GLDC: variants seen among roughly 807,000 people sequenced by gnomAD.
GLDC encodes glycine dehydrogenase (decarboxylating), mitochondrial.
GLDC carries 104 observed loss-of-function variants against 121.3 expected under a neutral mutation model. The observed-to-expected ratio is 0.86, with a 90% CI of 0.73 to 1.01. The LOEUF is 1.01. GLDC is among the 50% of genes least tolerant of loss of function. GLDC has a pLI of 0.00. For missense variants in GLDC, 1,429 were observed against 1,306.6 expected (o/e 1.09, Z -1.44); for synonymous variants, 546 against 480.6 (o/e 1.14, Z -1.78).
chr9:6,563,686 T>C (rs984304406), intron 16 of GLDC, among the ~76,000 whole-genome samples: 2 of 152,210 alleles, frequency 1.3e-5, no homozygotes, highest in Non-Finnish European at 2.9e-5. Flanking sequence ...AAGCTGAGAA[T>C]TCAGAACCAC....
At chr9:6,570,200 T>G (rs1203882434) in intron 15 of GLDC, among the ~76,000 whole-genome samples, 2 of 152,210 alleles carry the variant, frequency 1.3e-5, no homozygotes, top group African/African-American at 4.8e-5. Flanking sequence ...TGAATCACAT[T>G]GTAATTATAT....
chr9:6,614,944 A>C (rs958912553), intron 3 of GLDC, among the ~76,000 whole-genome samples: 4 of 152,332 alleles, frequency 2.6e-5, no homozygotes, highest in Middle Eastern at 3.4e-3. Context: ...GTGTTTCTAA[A>C]TACAGAAAAG....
At chr9:6,621,692 ATT>A (rs1238267844) in intron 2 of GLDC, among the ~76,000 whole-genome samples, 4 of 152,006 alleles carry the variant, frequency 2.6e-5, no homozygotes, top group Non-Finnish European at 5.9e-5. Context: ...TAATTTTTGT[ATT>A]TTTAGTAGAG....
intron 21 of GLDC, among the ~76,000 whole-genome samples, chr9:6,546,003 C>T (rs572285402): frequency 6.6e-5 from 10 of 152,336 alleles, no homozygotes; most frequent in Non-Finnish European, 1.0e-4. Flanking sequence ...TTTGTAATAA[C>T]ACTTTAAACA....
intron 2 of GLDC, among the ~76,000 whole-genome samples, chr9:6,626,889 A>G (rs1819253738): frequency 6.6e-6 from 1 of 152,226 alleles, no homozygotes; most frequent in Admixed American, 6.5e-5. Flanking sequence ...TAGACCAGCC[A>G]GGAACCCACT....
At chr9:6,559,254 C>T (rs1379860116) in intron 16 of GLDC, among the ~76,000 whole-genome samples, 7 of 152,180 alleles carry the variant, frequency 4.6e-5, no homozygotes, top group Non-Finnish European at 8.8e-5. Flanking sequence ...GTGGCTCACG[C>T]GTGTAATCCC....
chr9:6,534,920 G>T (rs1817090107), intron 23 of GLDC, 132 bp from the exon 24 acceptor site: 3 of 688,306 alleles, frequency 4.4e-6, no homozygotes, highest in Non-Finnish European at 8.1e-6. Flanking sequence ...CAATTTAGGG[G>T]GGTACAATGT....
chr9:6,602,980 C>A (rs1233626589), intron 7 of GLDC, among the ~76,000 whole-genome samples: 1 of 152,038 alleles, frequency 6.6e-6, no homozygotes, highest in African/African-American at 2.4e-5. Flanking sequence ...ATAATCCCAG[C>A]ACTTTGGGGG....
chr9:6,640,214 T>C (rs1248196331), intron 2 of GLDC, among the ~76,000 whole-genome samples: 12 of 152,260 alleles, frequency 7.9e-5, no homozygotes, highest in Admixed American at 7.2e-4. Flanking sequence ...TAATCTTTAC[T>C]GTTACAGTCA....
At chr9:6,533,211 C>G (rs369026023) in intron 24 of GLDC, 51 bp from the exon 25 acceptor site, 6 of 1,562,806 alleles carry the variant, frequency 3.8e-6, no homozygotes, top group Non-Finnish European at 5.3e-6. Context: ...GGAGGTTTCT[C>G]TTAGGGCAAA....
chr9:6,640,512 G>C (rs1755603), intron 2 of GLDC, among the ~76,000 whole-genome samples: 7 of 152,136 alleles, frequency 4.6e-5, no homozygotes, highest in African/African-American at 1.7e-4. Flanking sequence ...CCCTCCCTCC[G>C]CTCACTGCCC....
At chr9:6,609,853 C>G (rs1158262714) in intron 4 of GLDC, among the ~76,000 whole-genome samples, 1 of 152,156 alleles carries the variant, frequency 6.6e-6, no homozygotes, top group African/African-American at 2.4e-5. Context: ...CAAGCCAGCA[C>G]TTCCCAGTGG....
At chr9:6,590,928 G>T (rs1370398475) in intron 11 of GLDC, among the ~76,000 whole-genome samples, 1 of 152,128 alleles carries the variant, frequency 6.6e-6, no homozygotes, top group Non-Finnish European at 1.5e-5. Flanking sequence ...TCTCAAAGAG[G>T]GCACAGATAA....
Position 6,644,029 on chromosome 9 carries a change from C to CAAAAAAAAAAAAAAAAAAAAA in GLDC, c.334+564_334+584dup, listed in dbSNP as rs531081758. Among the ~76,000 whole-genome samples, 12 of 18,338 alleles carry CAAAAAAAAAAAAAAAAAAAAA rather than the reference C, an allele frequency of 6.5e-4. 2 individuals are homozygous for CAAAAAAAAAAAAAAAAAAAAA. The highest frequency in any genetic ancestry group is 1.2e-3 in the Non-Finnish European group (12 of 10,160). 12.0% of individuals were successfully genotyped at this position (18,338 alleles called of 152,430 possible). A position where few individuals can be genotyped will look rare whatever the true frequency, so the allele number is the denominator to read the frequency against. ...AGCCTGGGCGACAGAGATTCTGTCT[C>CAAAAAAAAAAAAAAAAAAAAA]AAAAAAAAAAAAAAAAAAAAACGAA... On this transcript the variant is annotated intron_variant, in intron 2 of 24. Coordinates refer to ENST00000321612, the MANE Select transcript of GLDC (RefSeq NM_000170.3).
chr9:6,629,301 G>A (rs12343658), intron 2 of GLDC, among the ~76,000 whole-genome samples: 3,080 of 149,738 alleles, frequency 0.021, 112 homozygotes, highest in African/African-American at 0.072. Context: ...TGCAACCTCC[G>A]CCTCCTGGGT....
At chr9:6,587,643 C>G (rs1818296916) in intron 14 of GLDC, among the ~76,000 whole-genome samples, 1 of 152,094 alleles carries the variant, frequency 6.6e-6, no homozygotes, top group Admixed American at 6.6e-5. Flanking sequence ...TCTTTCTTCA[C>G]TAAGTGGAAC....
chr9:6,578,705 A>T (rs1036085176), intron 15 of GLDC, among the ~76,000 whole-genome samples: 1 of 151,744 alleles, frequency 6.6e-6, no homozygotes, highest in Non-Finnish European at 1.5e-5. Flanking sequence ...ATGCTAGGCT[A>T]ATTTTTTTGG....
intron 6 of GLDC, 149 bp from the exon 7 acceptor site, chr9:6,604,933 C>T (rs1818699367): frequency 2.3e-6 from 2 of 863,408 alleles, no homozygotes; most frequent in South Asian, 2.8e-5. Context: ...TCAGTAAATA[C>T]ATACTGAGTG....
At chr9:6,642,626 T>C (rs1819651792) in intron 2 of GLDC, among the ~76,000 whole-genome samples, 1 of 152,214 alleles carries the variant, frequency 6.6e-6, no homozygotes, top group Admixed American at 6.5e-5. Context: ...CAGAATCCCT[T>C]AATGTTCAAA....
Sources: gnomAD v4.1 joint callset for allele counts (sites outside exome capture counted in the v4.1 genomes callset) on GRCh38, gnomAD v4.1.1 for gene constraint, MANE v1.5 for transcripts, NCBI Gene and HGNC (gene_info 2026-07-23, HGNC 2026-07-21) for gene names.